The following NEMP1 variants were observed in gnomAD, a reference collection of about 807,000 sequenced individuals.
The protein encoded by NEMP1 is transmembrane protein 194.
Under a neutral mutation model 53.7 loss-of-function variants are expected in NEMP1, and 29 were observed. The observed-to-expected ratio is 0.54, with a 90% CI of 0.40 to 0.74. The LOEUF (loss-of-function observed/expected upper bound fraction) is 0.74, where lower values mean the gene tolerates loss of function less well. Ranked by LOEUF, NEMP1 falls within the 30% of genes least tolerant of loss-of-function variation. The pLI, the probability that NEMP1 is intolerant of heterozygous loss-of-function variation, is 0.00. For missense variants in NEMP1, 477 were observed against 528.6 expected (o/e 0.90, Z 0.96); for synonymous variants, 193 against 192.9 (o/e 1.00, Z 0.00).
intron 1 of NEMP1, among the ~76,000 whole-genome samples, chr12:57,074,136 T>C (rs1338715052): frequency 8.7e-6 from 1 of 115,476 alleles, no homozygotes; most frequent in African/African-American, 3.1e-5. Context: ...ACCCAGCTAG[T>C]TTTTTTTTTT....
At chr12:57,081,406 G>A (rs1295279385), upstream of NEMP1, among the ~76,000 whole-genome samples, 5 of 151,932 alleles carry the variant, frequency 3.3e-5, no homozygotes, top group Non-Finnish European at 5.9e-5. Context: ...ACCCCGCCCA[G>A]CTAATTTCAT....
chr12:57,080,639 C>T (rs973557166), upstream of NEMP1, among the ~76,000 whole-genome samples: 4 of 150,476 alleles, frequency 2.7e-5, no homozygotes. Context: ...CCTGTAATCC[C>T]AGCACTTTTG....
upstream of NEMP1, among the ~76,000 whole-genome samples, chr12:57,080,893 CAAAA>C (rs60838518): frequency 5.8e-5 from 5 of 86,942 alleles, no homozygotes; most frequent in East Asian, 3.2e-4. Context: ...TCTCTTGTCT[CAAAA>C]AAAAAAAAAA....
Position 57,059,897 on chromosome 12 carries a change from C to T in NEMP1, c.1317G>A (p.Gln439=), listed in dbSNP as rs2031713333. The T allele has an allele frequency of 6.2e-7, 1 of 1,613,534 alleles. No homozygotes were observed. Among genetic ancestry groups the T allele is most frequent in the East Asian group, 2.2e-5 (1 of 44,872 alleles). ...DSYSRCPAIT[Q]NNFLT is the part of the protein sequence containing the mutation. Reference sequence around the variant, plus strand: ...CCACTACCTAGGTTAGAAAGTTGTTCTGTGTGATAGCAGGACACCGAGAAT... The same window carrying T: ...CCACTACCTAGGTTAGAAAGTTGTTTTGTGTGATAGCAGGACACCGAGAAT... Residue 439 remains glutamine (Q), a synonymous_variant, in exon 9 of 9, where the codon CAG becomes CAA. Coordinates refer to ENST00000300128, the MANE Select transcript of NEMP1 (RefSeq NM_001130963.2).
rs2290253 is a variant in NEMP1 at position 57,078,719 on chromosome 12, G to C, written c.27C>G (p.Val9=). 3 of 1,612,204 alleles carry C rather than the reference G, an allele frequency of 1.9e-6. No homozygotes were observed. The highest frequency in any genetic ancestry group is 2.5e-6 in the Non-Finnish European group (3 of 1,178,808). The change falls in exon 1 of 9, where the codon GTC becomes GTG. Residue 9 remains valine, a synonymous_variant. Transcript: ENST00000300128. ...AGGGCCCGGGACCAACTGCCGGCGA[G>C]ACCGCCACTTTCATTCCTCCCGCCA... is the stretch of plus-strand genomic sequence containing the variant. MAGGMKVA[V]SPAVGPGPWG...
intron 1 of NEMP1, among the ~76,000 whole-genome samples, chr12:57,075,737 C>T (rs547609597): frequency 4.6e-5 from 7 of 151,244 alleles, no homozygotes; most frequent in Non-Finnish European, 8.8e-5. Flanking sequence ...GAGGCTGAGG[C>T]GGGCAGATCA....
intron 1 of NEMP1, among the ~76,000 whole-genome samples, chr12:57,073,569 G>T (rs2032458128): frequency 6.6e-6 from 1 of 152,100 alleles, no homozygotes; most frequent in South Asian, 2.1e-4. Flanking sequence ...ACTTGAACTT[G>T]GGAGGCGGAG....
chr12:57,082,379 C>T (rs2032872713), upstream of NEMP1, among the ~76,000 whole-genome samples: 1 of 152,126 alleles, frequency 6.6e-6, no homozygotes, highest in Admixed American at 6.5e-5. Flanking sequence ...TAGGAATTCA[C>T]CATATTATCT....
intron 4 of NEMP1, among the ~76,000 whole-genome samples, chr12:57,067,041 A>G (rs2032115108): frequency 6.6e-6 from 1 of 152,190 alleles, no homozygotes; most frequent in Admixed American, 6.5e-5. Context: ...AAATGAACTA[A>G]TAGGCTGGGC....
chr12:57,062,085 G>A (rs2031837876), intron 7 of NEMP1, among the ~76,000 whole-genome samples: 1 of 152,190 alleles, frequency 6.6e-6, no homozygotes, highest in Non-Finnish European at 1.5e-5. Flanking sequence ...TCAGGACCTA[G>A]TAACATTCCA....
At chr12:57,067,174 A>C (rs2032125650) in intron 4 of NEMP1, among the ~76,000 whole-genome samples, 1 of 152,052 alleles carries the variant, frequency 6.6e-6, no homozygotes, top group Non-Finnish European at 1.5e-5. Flanking sequence ...AATACAAAAA[A>C]TTAGCTGCAC....
At position 57,064,685 on chromosome 12, in the gene NEMP1, CAG is replaced by C. The variant is rs747127955; in HGVS notation, c.598_599del (p.Leu200AlafsTer9). 3 of 1,612,654 alleles carry C rather than the reference CAG, an allele frequency of 1.9e-6. No individual in the cohort carries two copies. The highest frequency in any genetic ancestry group is 2.2e-5 in the South Asian group (2 of 90,802). ...TAGATAGTATAAAAATGATGATTAG[CAG>C]AGAGGCCACAATTCCCACAGTCATC... ...TGMTVGIVAS[L>X]LIIIFILSKF... On this transcript the variant is annotated frameshift_variant, in exon 5 of 9. Coordinates refer to ENST00000300128, the MANE Select transcript of NEMP1 (RefSeq NM_001130963.2). LOFTEE classifies it high-confidence loss of function.
At position 57,056,785 on chromosome 12, in the gene NEMP1, T is replaced by G. The variant is rs2032913832; in HGVS notation, c.*3094A>C. The G allele has an allele frequency of 6.6e-6, 1 of 152,168 alleles. No homozygotes were observed. The highest frequency in any genetic ancestry group is 2.1e-4 in the South Asian group (1 of 4,828). 9.4% of individuals were successfully genotyped at this position (152,168 alleles called of 1,614,324 possible). A position where few individuals can be genotyped will look rare whatever the true frequency, so the allele number is the denominator to read the frequency against. The stretch of plus-strand genomic sequence containing the variant: ...TATCTGGCCTATTTGGGTTCTTTCA[T>G]TCACCAAAATTCTATTATACATGCC... On this transcript the variant is annotated 3_prime_UTR_variant, in exon 9 of 9. Transcript: ENST00000300128.
chr12:57,064,623 C>T (rs530795156), intron 5 of NEMP1, 23 bp downstream of exon 5: 1 of 1,551,554 alleles, frequency 6.4e-7, no homozygotes, highest in African/African-American at 1.4e-5. Context: ...ATTCTAGCTG[C>T]ACATGAAGAT....
chr12:57,066,133 T>C (rs953887196), intron 4 of NEMP1, among the ~76,000 whole-genome samples: 7 of 152,020 alleles, frequency 4.6e-5, no homozygotes, highest in East Asian at 1.9e-4. Flanking sequence ...CAGGCGCCTA[T>C]AGTCCCAGCT....
Position 57,059,829 on chromosome 12 carries a change from A to G in NEMP1, c.*50T>C, listed in dbSNP as rs1448380222. On this transcript the variant is annotated 3_prime_UTR_variant, in exon 9 of 9. Coordinates refer to ENST00000300128, the MANE Select transcript of NEMP1 (RefSeq NM_001130963.2). ...TGAAAGCAATTGCACAACACATGCA[A>G]CATGGACCAAGGCACCAAGCCAGTC... is the stretch of plus-strand genomic sequence containing the variant. The G allele has an allele frequency of 6.5e-7, 1 of 1,541,700 alleles. No homozygotes were observed. Among genetic ancestry groups the G allele is most frequent in the South Asian group, 1.2e-5 (1 of 85,828 alleles).
At chr12:57,085,047 C>T (rs114770081) in intron 1 of NEMP1, among the ~76,000 whole-genome samples, 4,541 of 152,236 alleles carry the variant, frequency 0.03, 89 homozygotes, top group Middle Eastern at 0.071. Flanking sequence ...CCAGCTCCAC[C>T]CACCACCCAG....
At chr12:57,069,430 A>G (rs748093694) in intron 3 of NEMP1, 124 bp from the exon 4 acceptor site, 2 of 597,596 alleles carry the variant, frequency 3.3e-6, no homozygotes, top group South Asian at 2.3e-5. Flanking sequence ...GCCCACCTAA[A>G]AAGCATTTAA....
In NEMP1 at chr12:57,086,710, CT is replaced by C. The variant is rs1289512374; in HGVS notation, n.113+1240del. Among the ~76,000 whole-genome samples, 3 of 152,272 alleles carry C rather than the reference CT, an allele frequency of 2.0e-5. No homozygotes were observed. In the East Asian group the frequency reaches 5.8e-4, roughly 29 times the overall value. Reference sequence around the variant, plus strand: ...GGGAAGAACAGACATCTCGGCAGCTCTGGCTGCGGGCTGCGGGGGCGCTCTG... The same window carrying C: ...GGGAAGAACAGACATCTCGGCAGCTCGGCTGCGGGCTGCGGGGGCGCTCTG... On this transcript the variant is annotated intron_variant and non_coding_transcript_variant, in intron 1 of 2. Transcript: ENST00000553654.
Sources: allele counts gnomAD v4.1 joint callset (sites outside exome capture counted in the v4.1 genomes callset), GRCh38; gene constraint gnomAD v4.1.1; transcripts MANE v1.5; gene names NCBI Gene and HGNC (gene_info 2026-07-23, HGNC 2026-07-21).